KALRN: variants seen among roughly 807,000 people sequenced by gnomAD.
The protein encoded by KALRN is kalirin.
KALRN carries 70 observed loss-of-function variants against 353.7 expected under a neutral mutation model. The observed-to-expected ratio is 0.20, with a 90% CI of 0.16 to 0.24. The LOEUF is 0.24. Ranked by LOEUF, KALRN falls within the 10% of genes least tolerant of loss-of-function variation. KALRN has a pLI of 1.00. For synonymous variants in KALRN, 1,391 were observed against 1,434.8 expected, an observed-to-expected ratio of 0.97 and a Z score of 0.69; for missense variants, 2,791 against 3,756.7, an observed-to-expected ratio of 0.74 and a Z score of 6.72.
intron 14 of KALRN, among the ~76,000 whole-genome samples, chr3:124,417,768 A>G (rs2092587025): frequency 1.3e-5 from 2 of 152,306 alleles, no homozygotes; most frequent in Middle Eastern, 3.4e-3. Flanking sequence ...TCCTCTGAAA[A>G]GTAGTGATCA....
intron 51 of KALRN, among the ~76,000 whole-genome samples, chr3:124,686,459 A>G (rs1419601639): frequency 6.6e-6 from 1 of 152,238 alleles, no homozygotes; most frequent in African/African-American, 2.4e-5. Context: ...ACTGGGCAGC[A>G]GTGTGTGGGT....
intron 47 of KALRN, 34 bp from the exon 48 acceptor site, chr3:124,671,626 A>C (rs779880496): frequency 1.3e-6 from 2 of 1,508,896 alleles, no homozygotes; most frequent in Non-Finnish European, 1.8e-6. Context: ...GGGATTCCCA[A>C]AGCTTAGAGT....
intron 1 of KALRN, among the ~76,000 whole-genome samples, chr3:124,167,319 C>G (rs1203787161): frequency 2.0e-5 from 3 of 152,180 alleles, no homozygotes; most frequent in African/African-American, 7.2e-5. Context: ...CGCTCTTACC[C>G]TGGGATACCT....
At chr3:124,560,491 A>G (rs2071843445) in intron 33 of KALRN, among the ~76,000 whole-genome samples, 1 of 152,218 alleles carries the variant, frequency 6.6e-6, no homozygotes, top group South Asian at 2.1e-4. Flanking sequence ...CAATAGAGAA[A>G]AACATAAAAT....
chr3:124,284,911 C>T (rs1481102985), intron 5 of KALRN, among the ~76,000 whole-genome samples: 1 of 152,210 alleles, frequency 6.6e-6, no homozygotes, highest in African/African-American at 2.4e-5. Context: ...CTATCTCACT[C>T]CTCTGCTGAG....
At chr3:124,464,295 G>A (rs1561027026) in intron 25 of KALRN, among the ~76,000 whole-genome samples, 1 of 152,128 alleles carries the variant, frequency 6.6e-6, no homozygotes, top group East Asian at 1.9e-4. Context: ...GCACTTTCTG[G>A]GAGCCCTACA....
intron 33 of KALRN, among the ~76,000 whole-genome samples, chr3:124,512,228 A>G (rs943358352): frequency 3.3e-5 from 5 of 152,232 alleles, no homozygotes; most frequent in Admixed American, 1.3e-4. Context: ...ATAAACTAGT[A>G]AGTCGGGTCC....
intron 51 of KALRN, among the ~76,000 whole-genome samples, chr3:124,682,437 T>G (rs2061383246): frequency 6.6e-6 from 1 of 152,200 alleles, no homozygotes; most frequent in East Asian, 1.9e-4. Context: ...ATGCACCCTG[T>G]GTGTTCACTC....
rs370112710 is a variant in KALRN at position 124,128,701 on chromosome 3, GAGA to G, written c.73+94894_73+94896del. Among the ~76,000 whole-genome samples the G allele has an allele frequency of 2.4e-4, 37 of 152,246 alleles. No homozygotes were observed. In the East Asian group the frequency reaches 7.0e-3, roughly 29 times the overall value. The stretch of plus-strand genomic sequence containing the variant: ...TGATTTAGGCCCCAAAAGCTATTTG[GAGA>G]AGAAGTGAGCCTTCTGTAGGGGAGC... On this transcript the variant is annotated intron_variant, in intron 1 of 59. Transcript: ENST00000682506.
At chr3:124,163,606 T>C (rs2150040596) in intron 1 of KALRN, 1 of 985,120 alleles carries the variant, frequency 1.0e-6, no homozygotes, top group South Asian at 4.7e-5. Flanking sequence ...GAACACATAA[T>C]AGGTTCTAAC....
chr3:124,402,329 G>A (rs572124930), intron 13 of KALRN, among the ~76,000 whole-genome samples: 39 of 152,176 alleles, frequency 2.6e-4, no homozygotes, highest in Non-Finnish European at 5.1e-4. Context: ...TGGATTCCTG[G>A]TATACCTTCT....
At chr3:124,228,341 A>C (rs992740444) in intron 2 of KALRN, among the ~76,000 whole-genome samples, 1 of 152,178 alleles carries the variant, frequency 6.6e-6, no homozygotes, top group African/African-American at 2.4e-5. Context: ...AGTTGCTCCA[A>C]CTGGAGAATC....
chr3:124,553,523 G>A (rs2070805638), intron 33 of KALRN, among the ~76,000 whole-genome samples: 2 of 152,240 alleles, frequency 1.3e-5, no homozygotes, highest in Non-Finnish European at 2.9e-5. Flanking sequence ...ACAATTTGCA[G>A]GAATGCCTGG....
At chr3:124,304,127 A>AACACACACACACACACACACACACACAC (rs3055892) in intron 6 of KALRN, among the ~76,000 whole-genome samples, 9 of 147,390 alleles carry the variant, frequency 6.1e-5, no homozygotes, top group African/African-American at 2.0e-4. Context: ...TTTTGTTGTA[A>AACACACACACACACACACACACACACAC]ACACACACAC....
At chr3:124,279,859 T>G (rs949956615) in intron 5 of KALRN, among the ~76,000 whole-genome samples, 1 of 152,110 alleles carries the variant, frequency 6.6e-6, no homozygotes, top group Non-Finnish European at 1.5e-5. Flanking sequence ...GGAGCATAGA[T>G]GGAGAAATGT....
intron 22 of KALRN, among the ~76,000 whole-genome samples, chr3:124,456,167 T>C (rs1284948330): frequency 6.6e-6 from 1 of 152,202 alleles, no homozygotes; most frequent in Non-Finnish European, 1.5e-5. Context: ...AAGGGAAATT[T>C]CTTGTTTAAA....
At chr3:124,666,819 T>G (rs1258199533) in intron 46 of KALRN, among the ~76,000 whole-genome samples, 185 bp downstream of exon 46, 1 of 152,182 alleles carries the variant, frequency 6.6e-6, no homozygotes, top group African/African-American at 2.4e-5. Context: ...GCTGAGCCAG[T>G]CTCTGGCATG....
intron 57 of KALRN, among the ~76,000 whole-genome samples, chr3:124,702,924 T>C (rs1559871128): frequency 6.6e-6 from 1 of 152,114 alleles, no homozygotes; most frequent in Non-Finnish European, 1.5e-5. Flanking sequence ...GCCCACAAAA[T>C]AGTCTATGGG....
intron 34 of KALRN, among the ~76,000 whole-genome samples, chr3:124,580,292 C>A (rs1196661346): frequency 6.7e-6 from 1 of 148,892 alleles, no homozygotes; most frequent in Non-Finnish European, 1.5e-5. Context: ...ATTACAGACA[C>A]CTGGGGAACT....
Sources: gnomAD v4.1 joint callset for allele counts (sites outside exome capture counted in the v4.1 genomes callset) on GRCh38, gnomAD v4.1.1 for gene constraint, MANE v1.5 for transcripts, NCBI Gene and HGNC (gene_info 2026-07-23, HGNC 2026-07-21) for gene names.